CCDC190: variants seen among roughly 807,000 people sequenced by gnomAD.
The protein encoded by CCDC190 is coiled-coil domain containing 190, also known as coiled-coil domain-containing protein 190.
Under a neutral mutation model 13.1 loss-of-function variants are expected in CCDC190, and 10 were observed. The ratio of observed to expected loss-of-function variants is 0.77; its 90% CI spans 0.47 to 1.30. CCDC190 has a LOEUF of 1.30. Ranked by LOEUF, CCDC190 falls within the 50% of genes most tolerant of loss-of-function variation. The probability of loss-of-function intolerance (pLI) is 0.00; values close to 1 mark genes in which losing one functional copy is unlikely to be tolerated. For missense variants in CCDC190, 375 were observed against 354.3 expected, an observed-to-expected ratio of 1.06 and a Z score of -0.47; for synonymous variants, 136 against 127.2, an observed-to-expected ratio of 1.07 and a Z score of -0.47.
At chr1:162,864,743 AAAG>A (rs1650641285), upstream of CCDC190, among the ~76,000 whole-genome samples, 1 of 152,160 alleles carries the variant, frequency 6.6e-6, no homozygotes, top group East Asian at 1.9e-4. Flanking sequence ...ATAATATAAC[AAAG>A]AATTATAAGA....
In CCDC190 at chr1:162,852,442, C is replaced by T. The variant is rs533294207; in HGVS notation, c.*2323G>A. 2 of 152,344 alleles carry T rather than the reference C, an allele frequency of 1.3e-5. No homozygotes were observed. The highest frequency in any genetic ancestry group is 3.9e-4 in the East Asian group (2 of 5,186). 9.4% of individuals were successfully genotyped at this position (152,344 alleles called of 1,614,324 possible). A position where few individuals can be genotyped will look rare whatever the true frequency, so the allele number is the denominator to read the frequency against. On this transcript the variant is annotated 3_prime_UTR_variant, in exon 4 of 4. Coordinates refer to ENST00000367912, the MANE Select transcript of CCDC190 (RefSeq NM_001394065.1). ...ACACAAGAAAGGTTCCATGCAGCAGCGTTCTCTTTGATTGAGTTAAGTTGT... is the reference window on the plus strand; with the variant it reads ...ACACAAGAAAGGTTCCATGCAGCAGTGTTCTCTTTGATTGAGTTAAGTTGT...
Position 162,855,674 on chromosome 1 carries a change from T to C in CCDC190, c.269A>G (p.Gln90Arg). 1.2e-6 allele frequency: 2 copies of C among 1,613,832 alleles called. No homozygotes were observed. The highest frequency in any genetic ancestry group is 1.7e-6 in the Non-Finnish European group (2 of 1,179,758). ...TGGGGCTCTGTGCTTCTGCCTTCCC[T>C]GTGGTGAGAACACGAGAACATCTTC... ...RPEDVLVFSP[Q>R]GRQKHRAPQA... Residue 90 changes from glutamine to arginine, a missense_variant, in exon 3 of 4, where the codon CAG (glutamine) becomes CGG (arginine). Gln to Arg is a conservative substitution (Grantham distance 43, BLOSUM62 1). Transcript: ENST00000367912.
At chr1:162,860,140 C>G (rs192302520) in intron 1 of CCDC190, among the ~76,000 whole-genome samples, 1 of 152,140 alleles carries the variant, frequency 6.6e-6, no homozygotes, top group East Asian at 1.9e-4. Flanking sequence ...TTCACATATG[C>G]GTAGGTTCAT....
At chr1:162,868,801 T>C (rs530165440), upstream of CCDC190, 1 of 69,044 alleles carries the variant, frequency 1.4e-5, no homozygotes, top group East Asian at 2.7e-4. Context: ...GGAGCAGGGG[T>C]AGAACTCCAT....
Position 162,855,680 on chromosome 1 carries a change from G to A in CCDC190, c.263C>T (p.Ser88Leu), listed in dbSNP as rs1411836811. The A allele has an allele frequency of 1.2e-6, 2 of 1,613,696 alleles. No homozygotes were observed. The highest frequency in any genetic ancestry group is 1.7e-6 in the Non-Finnish European group (2 of 1,179,676). The stretch of plus-strand genomic sequence containing the variant: ...TCTGTGCTTCTGCCTTCCCTGTGGT[G>A]AGAACACGAGAACATCTTCTGGTCT... ...QKRPEDVLVFSPQGRQKHRAP... is the reference protein window; with the variant it reads ...QKRPEDVLVFLPQGRQKHRAP... The change falls in exon 3 of 4, where the codon TCA becomes TTA. Residue 88 changes from serine to leucine, a missense_variant. Coordinates refer to ENST00000367912, the MANE Select transcript of CCDC190 (RefSeq NM_001394065.1).
chr1:162,859,400 T>C (rs1650419424), intron 2 of CCDC190, 60 bp downstream of exon 2: 12 of 1,479,974 alleles, frequency 8.1e-6, no homozygotes, highest in Middle Eastern at 2.1e-4. Context: ...AGCGGAGTGA[T>C]GGGCCTGCTG....
intron 2 of CCDC190, among the ~76,000 whole-genome samples, chr1:162,857,196 T>G (rs1411511386): frequency 6.6e-6 from 1 of 152,204 alleles, no homozygotes; most frequent in Non-Finnish European, 1.5e-5. Flanking sequence ...GATGCTCATC[T>G]TCTCATTTTC....
intron 1 of CCDC190, among the ~76,000 whole-genome samples, chr1:162,866,746 C>T (rs367968687): frequency 1.8e-4 from 23 of 129,176 alleles, no homozygotes; most frequent in Middle Eastern, 4.1e-3. Context: ...TAAAGGTGAA[C>T]ATGTAGGATC....
rs1650208163 is a variant in CCDC190 at position 162,854,306 on chromosome 1, G to A, written c.*459C>T. Reference sequence around the variant, plus strand: ...AAGAGAGCACGTGGGTGTGGTTAAAGAGCAGATTTTCTTTATAGACCATGT... The same window carrying A: ...AAGAGAGCACGTGGGTGTGGTTAAAAAGCAGATTTTCTTTATAGACCATGT... On this transcript the variant is annotated 3_prime_UTR_variant, in exon 4 of 4. Coordinates refer to ENST00000367912, the MANE Select transcript of CCDC190 (RefSeq NM_001394065.1). 1 of 986,968 alleles carries A rather than the reference G, an allele frequency of 1.0e-6. No individual in the cohort carries two copies. Among genetic ancestry groups the A allele is most frequent in the South Asian group, 4.7e-5 (1 of 21,370 alleles). 61.1% of individuals were successfully genotyped at this position (986,968 alleles called of 1,614,324 possible).
At chr1:162,864,242 G>GA (rs1038365129), upstream of CCDC190, among the ~76,000 whole-genome samples, 6 of 151,858 alleles carry the variant, frequency 4.0e-5, no homozygotes, top group African/African-American at 1.5e-4. Flanking sequence ...AGTTCTGAAA[G>GA]AAAAAAATCA....
chr1:162,854,895 C>G lies in CCDC190; in HGVS notation c.776G>C (p.Arg259Pro). ...LSKARNAHYL[R>P]HRVPPESERL... ...CTCAGACTCAGGGGGGACCCTGTGC[C>G]GGAGATAATGGGCATTTCTGGCCTT... The change falls in exon 4 of 4, where the codon CGG becomes CCG. Residue 259 changes from arginine to proline, a missense_variant. Coordinates refer to ENST00000367912, the MANE Select transcript of CCDC190 (RefSeq NM_001394065.1). The G allele has an allele frequency of 6.2e-7, 1 of 1,613,994 alleles. No individual in the cohort carries two copies. Among genetic ancestry groups the G allele is most frequent in the Non-Finnish European group, 8.5e-7 (1 of 1,179,890 alleles).
At position 162,854,829 on chromosome 1, in the gene CCDC190, G is replaced by T. The variant is rs1650226445; in HGVS notation, c.842C>A (p.Ser281Tyr). 1 of 1,613,868 alleles carries T rather than the reference G, an allele frequency of 6.2e-7. No homozygotes were observed. Among genetic ancestry groups the T allele is most frequent in the South Asian group, 1.1e-5 (1 of 91,088 alleles). ...CTCCTTTCCTGCCCTGGATGATGAGGATTCCCCATGCCCAAATATCTCTCC... is the reference window on the plus strand; with the variant it reads ...CTCCTTTCCTGCCCTGGATGATGAGTATTCCCCATGCCCAAATATCTCTCC... ...SIGEIFGHGESSSSRAGKECE... is the reference protein window; with the variant it reads ...SIGEIFGHGEYSSSRAGKECE... The change falls in exon 4 of 4, where the codon TCC becomes TAC. Residue 281 changes from serine (S) to tyrosine (Y), a missense_variant. Physicochemically the swap from Ser to Tyr is moderately radical, Grantham distance 144. Coordinates refer to ENST00000367912, the MANE Select transcript of CCDC190 (RefSeq NM_001394065.1).
rs1650205378 is a variant in CCDC190 at position 162,854,225 on chromosome 1, G to A, written c.*540C>T. On this transcript the variant is annotated 3_prime_UTR_variant, in exon 4 of 4. Coordinates refer to ENST00000367912, the MANE Select transcript of CCDC190 (RefSeq NM_001394065.1). ...GATATGAGCAGGTTGAAAGTGGGAG[G>A]GTGAAAACTAAAATGGAGCTATCTG... 9 of 985,386 alleles carry A rather than the reference G, an allele frequency of 9.1e-6. No homozygotes were observed. Among genetic ancestry groups the A allele is most frequent in the Non-Finnish European group, 1.1e-5 (9 of 829,946 alleles). 61.0% of individuals were successfully genotyped at this position (985,386 alleles called of 1,614,324 possible). A position where few individuals can be genotyped will look rare whatever the true frequency, so the allele number is the denominator to read the frequency against.
At chr1:162,863,360 T>G (rs1650586127), upstream of CCDC190, among the ~76,000 whole-genome samples, 2 of 152,180 alleles carry the variant, frequency 1.3e-5, no homozygotes, top group African/African-American at 4.8e-5. Context: ...TAGAATTGAA[T>G]GAAATGATCA....
chr1:162,854,766 T>A lies in CCDC190; in HGVS notation c.905A>T (p.Ter302LeuextTer6). ...TTATTGTCAGGCTATGTTAAACGGTTAGAGAGGAAGAAACTTAGAAGGCAC... is the reference window on the plus strand; with the variant it reads ...TTATTGTCAGGCTATGTTAAACGGTAAGAGAGGAAGAAACTTAGAAGGCAC... ...NRVPSKFLPL[*>L] is the part of the protein sequence containing the mutation. The change falls in exon 4 of 4, where the codon TAA becomes TTA. Residue 302 changes from the stop codon to leucine (L), a stop_lost. Transcript: ENST00000367912. 6.2e-7 allele frequency: 1 copy of A among 1,604,936 alleles called. No individual in the cohort carries two copies.
At chr1:162,857,811 AC>A (rs1364361074) in intron 2 of CCDC190, among the ~76,000 whole-genome samples, 28 of 152,210 alleles carry the variant, frequency 1.8e-4, no homozygotes, top group Non-Finnish European at 1.5e-5. Context: ...AAATATGGGC[AC>A]CTTGAGGGCA....
At chr1:162,862,822 C>G (rs984645565), upstream of CCDC190, among the ~76,000 whole-genome samples, 5 of 152,254 alleles carry the variant, frequency 3.3e-5, no homozygotes, top group East Asian at 1.9e-4. Context: ...AAAGATCATG[C>G]CTTTTCCACT....
chr1:162,857,662 AT>A (rs945706255), intron 2 of CCDC190, among the ~76,000 whole-genome samples: 1 of 152,142 alleles, frequency 6.6e-6, no homozygotes, highest in Non-Finnish European at 1.5e-5. Flanking sequence ...TTCTGCTCAC[AT>A]ACTGTGTCTT....
At chr1:162,857,757 A>C (rs1006079516) in intron 2 of CCDC190, among the ~76,000 whole-genome samples, 3 of 152,136 alleles carry the variant, frequency 2.0e-5, no homozygotes, top group African/African-American at 7.2e-5. Flanking sequence ...CTCAATTAGC[A>C]GTTTTGATCA....
Sources: gnomAD v4.1 joint callset for allele counts (sites outside exome capture counted in the v4.1 genomes callset) on GRCh38, gnomAD v4.1.1 for gene constraint, MANE v1.5 for transcripts, NCBI Gene and HGNC (gene_info 2026-07-23, HGNC 2026-07-21) for gene names.